The following SHISA6 variants were observed in gnomAD, a reference collection of about 807,000 sequenced individuals.
SHISA6 encodes the protein protein shisa-6.
In SHISA6, 22 loss-of-function variants were observed where a neutral mutation model predicts 47.9. That is an observed-to-expected ratio of 0.46 (90% CI 0.33 to 0.66). SHISA6 has a LOEUF of 0.66. Among genes scored for constraint, SHISA6 ranks in the 30% least tolerant of loss-of-function variants. The pLI, the probability that SHISA6 is intolerant of heterozygous loss-of-function variation, is 0.02. For missense variants in SHISA6, 680 were observed against 764.6 expected, an observed-to-expected ratio of 0.89 and a Z score of 1.30; for synonymous variants, 388 against 337.8, an observed-to-expected ratio of 1.15 and a Z score of -1.63.
chr17:11,413,954 T>G (rs1171471123), intron 3 of SHISA6, among the ~76,000 whole-genome samples: 1 of 152,120 alleles, frequency 6.6e-6, no homozygotes, highest in East Asian at 1.9e-4. Context: ...AGGGACTTAT[T>G]AGCAAAAACT....
intron 2 of SHISA6, among the ~76,000 whole-genome samples, chr17:11,320,659 CA>C (rs112649016): frequency 0.087 from 6,931 of 79,412 alleles, 497 homozygotes; most frequent in African/African-American, 0.21. Flanking sequence ...ACTCCATCAC[CA>C]AAAAAAAAAA....
chr17:11,270,656 G>A (rs1038625902), intron 2 of SHISA6, among the ~76,000 whole-genome samples: 14 of 152,316 alleles, frequency 9.2e-5, no homozygotes, highest in Admixed American at 2.6e-4. Flanking sequence ...GAATGGATGC[G>A]TGTTTTCATA....
intron 3 of SHISA6, among the ~76,000 whole-genome samples, chr17:11,525,657 A>ACC (rs2071671775): frequency 1.5e-5 from 2 of 130,944 alleles, no homozygotes; most frequent in African/African-American, 5.5e-5. Context: ...AAAAACAAAA[A>ACC]AAAAAAAACG....
chr17:11,241,719 C>G lies in SHISA6; in HGVS notation c.297C>G (p.Asp99Glu). Reference protein sequence around the residue: ...VTYETCWGYYDVSGQYDKEFE... With the variant: ...VTYETCWGYYEVSGQYDKEFE... ...ACGAGACGTGCTGGGGCTACTACGA[C>G]GTGAGCGGCCAGTACGACAAGGAGT... is the stretch of plus-strand genomic sequence containing the variant. Residue 99 changes from aspartate (D) to glutamate (E), a missense_variant, in exon 1 of 6, where the codon GAC becomes GAG. Transcript: ENST00000441885. The surrounding 1 kb of genome is among the most constrained non-coding windows in gnomAD (Gnocchi z 5.5). 6.5e-7 allele frequency: 1 copy of G among 1,540,650 alleles called. No individual in the cohort carries two copies. Among genetic ancestry groups the G allele is most frequent in the Non-Finnish European group, 8.7e-7 (1 of 1,146,752 alleles).
chr17:11,480,344 A>G (rs947355077), intron 3 of SHISA6, among the ~76,000 whole-genome samples: 1 of 152,140 alleles, frequency 6.6e-6, no homozygotes, highest in Admixed American at 6.6e-5. Flanking sequence ...TGGGGAACCT[A>G]TCATATATTC....
At chr17:11,406,845 G>A (rs55968900) in intron 3 of SHISA6, among the ~76,000 whole-genome samples, 6,154 of 152,104 alleles carry the variant, frequency 0.04, 399 homozygotes, top group African/African-American at 0.14. Context: ...CACACCCCAC[G>A]AGAGTATAAT....
rs1362923101 is a variant in SHISA6 at position 11,418,414 on chromosome 17, C to T, written c.895+38905C>T. Among the ~76,000 whole-genome samples, 3 of 152,110 alleles carry T rather than the reference C, an allele frequency of 2.0e-5. No individual in the cohort carries two copies. The East Asian group carries it at 5.8e-4, about 29-fold the overall frequency. Reference sequence around the variant, plus strand: ...CCACTTACCTTCTTGATCATCTCTCCTTACTTTTTTGTTATTTTTTTCCTT... The same window carrying T: ...CCACTTACCTTCTTGATCATCTCTCTTTACTTTTTTGTTATTTTTTTCCTT... On this transcript the variant is annotated intron_variant, in intron 3 of 5. Coordinates refer to ENST00000441885, the MANE Select transcript of SHISA6 (RefSeq NM_207386.4).
In SHISA6 at chr17:11,448,183, A is replaced by G. The variant is rs141178251; in HGVS notation, c.895+68674A>G. The stretch of plus-strand genomic sequence containing the variant: ...CTCCTAAGCTCTGGGAACTTCCCCT[A>G]CATGATTTTATTTAGTTCTCACAAG... On this transcript the variant is annotated intron_variant, in intron 3 of 5. Transcript: ENST00000441885. Among the ~76,000 whole-genome samples, 1,273 of 152,174 alleles carry G rather than the reference A, an allele frequency of 8.4e-3. 30 individuals carry two copies. Among genetic ancestry groups the G allele is most frequent in the African/African-American group, 0.028 (1,183 of 41,516 alleles).
At chr17:11,257,497 CA>C (rs1241498388) in intron 1 of SHISA6, among the ~76,000 whole-genome samples, 2 of 151,532 alleles carry the variant, frequency 1.3e-5, no homozygotes, top group Admixed American at 6.6e-5. Flanking sequence ...TCTGTCTCTA[CA>C]AAAAATTAAA....
At chr17:11,258,398 G>T (rs982972653) in intron 1 of SHISA6, among the ~76,000 whole-genome samples, 38 of 152,152 alleles carry the variant, frequency 2.5e-4, no homozygotes, top group African/African-American at 8.2e-4. Flanking sequence ...CCTCATGGAG[G>T]GCATGTTGAT....
chr17:11,476,637 G>C (rs1567615800), intron 3 of SHISA6, among the ~76,000 whole-genome samples: 1 of 151,530 alleles, frequency 6.6e-6, no homozygotes, highest in Admixed American at 6.6e-5. Context: ...TCTGAGAACA[G>C]ATGTTATGTT....
intron 3 of SHISA6, among the ~76,000 whole-genome samples, chr17:11,461,337 C>T (rs1377182241): frequency 7.1e-6 from 1 of 140,966 alleles, no homozygotes; most frequent in Non-Finnish European, 1.5e-5. Flanking sequence ...GCGAAGCTTG[C>T]AGTGAGCTGA....
chr17:11,332,023 T>TCTCC (rs906301726), intron 2 of SHISA6, among the ~76,000 whole-genome samples: 1 of 151,504 alleles, frequency 6.6e-6, no homozygotes, highest in African/African-American at 2.4e-5. Flanking sequence ...TCTTACTCTG[T>TCTCC]CTCCCTCCCT....
chr17:11,317,057 T>C (rs750623303), intron 2 of SHISA6, among the ~76,000 whole-genome samples: 6 of 152,140 alleles, frequency 3.9e-5, no homozygotes, highest in Non-Finnish European at 5.9e-5. Flanking sequence ...TTTTCTGGCT[T>C]AATGACTGAT....
At chr17:11,440,027 A>G (rs1915055100) in intron 3 of SHISA6, among the ~76,000 whole-genome samples, 1 of 152,226 alleles carries the variant, frequency 6.6e-6, no homozygotes, top group South Asian at 2.1e-4. Context: ...AACAGGAGGC[A>G]GCCTGAGGGT....
At chr17:11,514,812 C>T (rs1359700198) in intron 3 of SHISA6, among the ~76,000 whole-genome samples, 2 of 152,216 alleles carry the variant, frequency 1.3e-5, no homozygotes, top group Non-Finnish European at 2.9e-5. Context: ...GGTTCTTGCA[C>T]AGGGCACATG....
chr17:11,515,759 C>G (rs1216360204), intron 3 of SHISA6, among the ~76,000 whole-genome samples: 1 of 152,166 alleles, frequency 6.6e-6, no homozygotes, highest in Admixed American at 6.5e-5. Flanking sequence ...GCAGGGAACT[C>G]TTCCCAGGAG....
At chr17:11,242,085 C>T (rs910605822) in intron 1 of SHISA6, 25 bp downstream of exon 1, 5 of 1,548,126 alleles carry the variant, frequency 3.2e-6, no homozygotes, top group Non-Finnish European at 4.4e-6. Context: ...TGCCGCGCGC[C>T]CCGGTCTCCC....
intron 3 of SHISA6, among the ~76,000 whole-genome samples, chr17:11,397,251 T>TTACAC (rs1913599195): frequency 6.6e-6 from 1 of 152,172 alleles, no homozygotes. Flanking sequence ...ATTTCTTAAC[T>TTACAC]TACACTTCCT....
Sources: gnomAD v4.1 joint callset for allele counts (sites outside exome capture counted in the v4.1 genomes callset) on GRCh38, gnomAD v4.1.1 for gene constraint, Gnocchi (gnomAD v3.1) non-coding constraint, MANE v1.5 for transcripts, NCBI Gene and HGNC (gene_info 2026-07-23, HGNC 2026-07-21) for gene names.